SORCS1: variants seen among roughly 807,000 people sequenced by gnomAD.
SORCS1 encodes VPS10 domain-containing receptor SorCS1.
Under a neutral mutation model 146.1 loss-of-function variants are expected in SORCS1, and 60 were observed. The observed-to-expected ratio is 0.41, with a 90% CI of 0.33 to 0.51. The LOEUF is 0.51. SORCS1 is among the 20% of genes least tolerant of loss of function. The pLI is 0.21. For synonymous variants in SORCS1, 637 were observed against 584.0 expected (o/e 1.09, Z -1.31); for missense variants, 1,352 against 1,487.6 (o/e 0.91, Z 1.50).
Position 106,727,489 on chromosome 10 carries a change from G to T in SORCS1, c.1024+2561C>A, listed in dbSNP as rs564091632. On this transcript the variant is annotated intron_variant, in intron 6 of 25. Transcript: ENST00000263054. ...CTGCCTCAGCCTTCTGACTAGCTGG[G>T]ACTACAGATGTGTGCTACCATTCCT... is the stretch of plus-strand genomic sequence containing the variant. Among the ~76,000 whole-genome samples, 3 of 152,308 alleles carry T rather than the reference G, an allele frequency of 2.0e-5. No homozygotes were observed. In the South Asian group the frequency reaches 6.2e-4, roughly 32 times the overall value.
chr10:107,099,682 T>G (rs1964784339), intron 1 of SORCS1, among the ~76,000 whole-genome samples: 1 of 152,192 alleles, frequency 6.6e-6, no homozygotes, highest in Non-Finnish European at 1.5e-5. Flanking sequence ...TCCTTAAAAC[T>G]ACTGAACCAA....
intron 3 of SORCS1, among the ~76,000 whole-genome samples, chr10:106,821,458 A>G (rs747115942): frequency 6.6e-6 from 1 of 152,248 alleles, no homozygotes; most frequent in Non-Finnish European, 1.5e-5. Context: ...TATAATGTCA[A>G]TAACATATAA....
intron 2 of SORCS1, among the ~76,000 whole-genome samples, chr10:106,830,499 G>C (rs1464975646): frequency 1.3e-5 from 2 of 150,278 alleles, no homozygotes; most frequent in African/African-American, 4.9e-5. Flanking sequence ...CTGATAAATG[G>C]ACAGCTAGAA....
chr10:107,042,944 G>A (rs1047202928), intron 1 of SORCS1, among the ~76,000 whole-genome samples: 1 of 152,164 alleles, frequency 6.6e-6, no homozygotes, highest in Non-Finnish European at 1.5e-5. Flanking sequence ...AGAAGGCCAT[G>A]TTGGAGCTTC....
upstream of SORCS1, among the ~76,000 whole-genome samples, chr10:107,165,899 T>C (rs899844338): frequency 1.3e-5 from 2 of 152,334 alleles, no homozygotes; most frequent in Non-Finnish European, 2.9e-5. The surrounding 1 kb of genome is among the most constrained non-coding windows in gnomAD (Gnocchi z 4.0). Context: ...AATTCTATAA[T>C]TGTATGATTA....
intron 1 of SORCS1, among the ~76,000 whole-genome samples, chr10:107,007,378 C>A (rs111322422): frequency 6.6e-6 from 1 of 152,148 alleles, no homozygotes; most frequent in African/African-American, 2.4e-5. Context: ...GCCTTAAAAC[C>A]GAGCTGCCAT....
chr10:106,722,457 T>C (rs1415766148), intron 6 of SORCS1, among the ~76,000 whole-genome samples: 1 of 152,190 alleles, frequency 6.6e-6, no homozygotes, highest in Non-Finnish European at 1.5e-5. Flanking sequence ...GGATGCATAG[T>C]TATATAAAGT....
chr10:106,825,052 T>G (rs1426062281), intron 3 of SORCS1, among the ~76,000 whole-genome samples: 22 of 152,138 alleles, frequency 1.4e-4, no homozygotes, highest in Admixed American at 1.4e-3. Flanking sequence ...CAAAACACTT[T>G]TTTTTCCTTT....
In SORCS1 at chr10:106,944,871, C is replaced by CTTTTTT. The variant is rs1564838013; in HGVS notation, c.626+11641_626+11642insAAAAAA. Among the ~76,000 whole-genome samples the CTTTTTT allele has an allele frequency of 2.4e-3, 147 of 61,014 alleles. 21 individuals are homozygous for CTTTTTT. The highest frequency in any genetic ancestry group is 6.3e-3 in the African/African-American group (140 of 22,380). The allele number at this position is 61,014 out of a possible 152,430, so 40.0% of individuals were successfully genotyped here. ...ATGGTAGAAAGAAGCAAGAAAGAGCCTTCTTTTTTTTTTTTTTTTTTTTTT... is the reference window on the plus strand; with the variant it reads ...ATGGTAGAAAGAAGCAAGAAAGAGCCTTTTTTTTCTTTTTTTTTTTTTTTTTTTTTT... On this transcript the variant is annotated intron_variant, in intron 2 of 25. Coordinates refer to ENST00000263054, the MANE Select transcript of SORCS1 (RefSeq NM_052918.5).
chr10:106,632,627 A>T (rs1204921751), intron 18 of SORCS1, among the ~76,000 whole-genome samples: 3 of 152,214 alleles, frequency 2.0e-5, no homozygotes, highest in Non-Finnish European at 4.4e-5. Flanking sequence ...CAAATGGGAA[A>T]ATGTTATTAA....
intron 2 of SORCS1, among the ~76,000 whole-genome samples, chr10:106,918,150 A>T (rs6584770): frequency 3.8e-4 from 58 of 152,230 alleles, no homozygotes; most frequent in African/African-American, 1.4e-3. Context: ...AGAACCCAAG[A>T]AAAGACATTT....
At chr10:106,688,922 TCTGCAG>T (rs1853087542) in intron 9 of SORCS1, among the ~76,000 whole-genome samples, 1 of 152,236 alleles carries the variant, frequency 6.6e-6, no homozygotes, top group South Asian at 2.1e-4. Context: ...TATCAAGCTA[TCTGCAG>T]GCTTGGGCAG....
intron 7 of SORCS1, 129 bp from the exon 8 acceptor site, chr10:106,706,763 G>T: frequency 1.2e-6 from 1 of 804,618 alleles, no homozygotes; most frequent in Non-Finnish European, 2.0e-6. Flanking sequence ...TTGCGGACAA[G>T]TGTAAAGAAT....
intron 24 of SORCS1, among the ~76,000 whole-genome samples, chr10:106,596,886 G>A (rs1020240552): frequency 6.6e-6 from 1 of 152,096 alleles, no homozygotes; most frequent in Non-Finnish European, 1.5e-5. Flanking sequence ...CCTTCTCACT[G>A]GGTCACCCAG....
At chr10:106,641,042 C>T (rs978675109) in intron 18 of SORCS1, among the ~76,000 whole-genome samples, 6 of 152,154 alleles carry the variant, frequency 3.9e-5, no homozygotes, top group African/African-American at 9.7e-5. Flanking sequence ...GATGGAAGTA[C>T]GACTGCTCCT....
intron 1 of SORCS1, among the ~76,000 whole-genome samples, chr10:107,154,438 A>G (rs1755612282): frequency 6.6e-6 from 1 of 152,218 alleles, no homozygotes; most frequent in Non-Finnish European, 1.5e-5. Context: ...ACTTAAAAAT[A>G]TATGTTTTTA....
rs776754634 is a variant in SORCS1 at position 106,579,478 on chromosome 10, G to A, written c.3266-4C>T. 6.2e-6 allele frequency: 10 copies of A among 1,613,480 alleles called. No individual in the cohort carries two copies. Among genetic ancestry groups the A allele is most frequent in the African/African-American group, 2.7e-5 (2 of 74,850 alleles). On this transcript the variant is annotated splice_region_variant and splice_polypyrimidine_tract_variant and intron_variant, in intron 24 of 25. Coordinates refer to ENST00000263054, the MANE Select transcript of SORCS1 (RefSeq NM_052918.5). ...GGAGTGAGGTCCACCAGGGGGGCTT[G>A]TGGGGGAAACAGAGCAGAGAAAAAT...
At chr10:106,765,023 A>C (rs1441668777) in intron 4 of SORCS1, among the ~76,000 whole-genome samples, 1 of 43,240 alleles carries the variant, frequency 2.3e-5, no homozygotes, top group Non-Finnish European at 4.5e-5. Context: ...ACACTGTCTC[A>C]AAAAAAAAAA....
chr10:106,791,537 T>A (rs1285312016), intron 3 of SORCS1, among the ~76,000 whole-genome samples: 1 of 151,988 alleles, frequency 6.6e-6, no homozygotes, highest in Non-Finnish European at 1.5e-5. Flanking sequence ...CTCTCTCTAT[T>A]AAAAATACAA....
Sources: allele counts gnomAD v4.1 joint callset (sites outside exome capture counted in the v4.1 genomes callset), GRCh38; gene constraint gnomAD v4.1.1; non-coding constraint Gnocchi (gnomAD v3.1); transcripts MANE v1.5; gene names NCBI Gene and HGNC (gene_info 2026-07-23, HGNC 2026-07-21).